The following EIF4G3 variants were observed in gnomAD, a reference collection of about 807,000 sequenced individuals.
EIF4G3 encodes the protein eukaryotic translation initiation factor 4 gamma 3.
A neutral mutation model predicts 186.4 loss-of-function variants in EIF4G3; 34 were observed. The ratio of observed to expected loss-of-function variants is 0.18; its 90% CI spans 0.14 to 0.24. The LOEUF is 0.24. Among genes scored for constraint, EIF4G3 ranks in the 10% least tolerant of loss-of-function variants. The pLI, the probability that EIF4G3 is intolerant of heterozygous loss-of-function variation, is 1.00. For missense variants in EIF4G3, 1,536 were observed against 1,948.5 expected (o/e 0.79, Z 3.99); for synonymous variants, 673 against 679.5 (o/e 0.99, Z 0.15).
chr1:21,090,398 G>C (rs971107497), intron 2 of EIF4G3, among the ~76,000 whole-genome samples: 1 of 152,136 alleles, frequency 6.6e-6, no homozygotes, highest in African/African-American at 2.4e-5. Flanking sequence ...AATTTCATCA[G>C]AGAAATCCAA....
intron 12 of EIF4G3, among the ~76,000 whole-genome samples, chr1:20,952,304 G>A (rs556919262): frequency 2.0e-5 from 3 of 151,820 alleles, no homozygotes; most frequent in East Asian, 1.9e-4. Context: ...ACAGGTGTGC[G>A]CCACCACACC....
chr1:21,028,787 A>G (rs1176716135), intron 4 of EIF4G3, among the ~76,000 whole-genome samples: 3 of 152,236 alleles, frequency 2.0e-5, no homozygotes, highest in East Asian at 1.9e-4. Flanking sequence ...ACAGTTCAGG[A>G]TATGACTGAA....
At position 20,974,371 on chromosome 1, in the gene EIF4G3, G is replaced by A. The variant is rs891552995; in HGVS notation, c.494-1272C>T. On this transcript the variant is annotated intron_variant, in intron 10 of 36. Coordinates refer to ENST00000602326, the MANE Select transcript of EIF4G3 (RefSeq NM_001391906.1). ...AGAAATTGGGAAAACTCCAGCCAAAGAGATGAAAACCAAGGCAGTGGTTGA... is the reference window on the plus strand; with the variant it reads ...AGAAATTGGGAAAACTCCAGCCAAAAAGATGAAAACCAAGGCAGTGGTTGA... Among the ~76,000 whole-genome samples the A allele has an allele frequency of 3.3e-5, 5 of 152,334 alleles. No individual in the cohort carries two copies. The East Asian group carries it at 5.8e-4, about 18-fold the overall frequency.
At chr1:21,160,851 G>C (rs1235921617) in intron 2 of EIF4G3, among the ~76,000 whole-genome samples, 1 of 152,194 alleles carries the variant, frequency 6.6e-6, no homozygotes, top group Non-Finnish European at 1.5e-5. Flanking sequence ...TACGAGGGCA[G>C]AGTAGGACGT....
At chr1:20,953,914 T>C (rs2096310707) in intron 12 of EIF4G3, among the ~76,000 whole-genome samples, 1 of 152,196 alleles carries the variant, frequency 6.6e-6, no homozygotes, top group African/African-American at 2.4e-5. Context: ...GACACACCCA[T>C]CTATCTACAT....
At position 21,176,894 on chromosome 1, in the gene EIF4G3, G is replaced by T. The variant is rs1239916675; in HGVS notation, c.-628C>A. 1 of 690,376 alleles carries T rather than the reference G, an allele frequency of 1.4e-6. No homozygotes were observed. Among genetic ancestry groups the T allele is most frequent in the East Asian group, 2.8e-5 (1 of 35,948 alleles). The allele number at this position is 690,376 out of a possible 1,614,324, so 42.8% of individuals were successfully genotyped here. A position where few individuals can be genotyped will look rare whatever the true frequency, so the allele number is the denominator to read the frequency against. On this transcript the variant is annotated 5_prime_UTR_variant, in exon 1 of 37. Coordinates refer to ENST00000602326, the MANE Select transcript of EIF4G3 (RefSeq NM_001391906.1). ...GCCGCCTCCAGCAGTCCGGCAGGAC[G>T]GCTGCTCGGAAAACTTCGGACTTTT... is the stretch of plus-strand genomic sequence containing the variant.
At position 20,981,194 on chromosome 1, in the gene EIF4G3, C is replaced by T. The variant is rs2077872796; in HGVS notation, c.232G>A (p.Ala78Thr). ...FQRPQIQPPR[A>T]TIPNSSPSIR... Reference sequence around the variant, plus strand: ...GAAGGACTGCTGTTCGGGATGGTAGCTCTAGGAGGCTGTATTTGAGGCCTC... The same window carrying T: ...GAAGGACTGCTGTTCGGGATGGTAGTTCTAGGAGGCTGTATTTGAGGCCTC... Residue 78 changes from alanine to threonine, a missense_variant, in exon 9 of 37, where the codon GCT (alanine) becomes ACT (threonine). Physicochemically the swap from Ala to Thr is moderately conservative, Grantham distance 58. This residue lies in a region of EIF4G3 where 194 missense variants were observed against 212.8 expected (regional missense o/e 0.91). Coordinates refer to ENST00000602326, the MANE Select transcript of EIF4G3 (RefSeq NM_001391906.1). The T allele has an allele frequency of 1.2e-6, 2 of 1,611,278 alleles. No homozygotes were observed. The highest frequency in any genetic ancestry group is 2.7e-5 in the African/African-American group (2 of 74,504).
intron 34 of EIF4G3, among the ~76,000 whole-genome samples, chr1:20,816,464 C>T (rs1479743272): frequency 2.7e-5 from 3 of 111,556 alleles, no homozygotes; most frequent in Non-Finnish European, 5.8e-5. Context: ...CCCCTCTGCC[C>T]GGCCAGTCGC....
At chr1:21,166,936 C>A (rs748132071) in intron 2 of EIF4G3, among the ~76,000 whole-genome samples, 1 of 151,816 alleles carries the variant, frequency 6.6e-6, no homozygotes, top group Non-Finnish European at 1.5e-5. Flanking sequence ...CACGTGCAAC[C>A]GCGCCTGGCT....
At chr1:21,130,475 T>C (rs1161873348) in intron 2 of EIF4G3, among the ~76,000 whole-genome samples, 1 of 151,932 alleles carries the variant, frequency 6.6e-6, no homozygotes, top group African/African-American at 2.4e-5. Flanking sequence ...GTGATCCACC[T>C]GCCTCAGCCT....
chr1:21,048,375 T>A (rs1044273229), intron 4 of EIF4G3, among the ~76,000 whole-genome samples: 1 of 152,142 alleles, frequency 6.6e-6, no homozygotes, highest in Non-Finnish European at 1.5e-5. Context: ...TCTATAAATA[T>A]TTTAACATTT....
chr1:20,878,337 C>T (rs1021820858), intron 20 of EIF4G3, among the ~76,000 whole-genome samples: 20 of 152,168 alleles, frequency 1.3e-4, no homozygotes, highest in Non-Finnish European at 2.9e-5. Context: ...AGTTTTGTGA[C>T]TCTCCCACCA....
chr1:21,054,869 G>C (rs909843194), intron 3 of EIF4G3, among the ~76,000 whole-genome samples: 2 of 152,108 alleles, frequency 1.3e-5, no homozygotes, highest in African/African-American at 4.8e-5. Context: ...AAGCTTACGA[G>C]TTAAAAGACA....
chr1:20,981,240 G>T lies in EIF4G3; in HGVS notation c.199-13C>A. 13 of 1,452,442 alleles carry T rather than the reference G, an allele frequency of 9.0e-6. No individual in the cohort carries two copies. Among genetic ancestry groups the T allele is most frequent in the African/African-American group, 4.5e-5 (3 of 67,190 alleles). The allele number at this position is 1,452,442 out of a possible 1,614,324, so 90.0% of individuals were successfully genotyped here. ...GCCTCTGGAAAAACTGGGAAGGGGA[G>T]AAAAAAAAAATTTTTTTTTTTTTTT... is the stretch of plus-strand genomic sequence containing the variant. On this transcript the variant is annotated splice_polypyrimidine_tract_variant and intron_variant, in intron 8 of 36. Coordinates refer to ENST00000602326, the MANE Select transcript of EIF4G3 (RefSeq NM_001391906.1).
chr1:20,913,610 G>C (rs1444872812), intron 14 of EIF4G3, among the ~76,000 whole-genome samples: 1 of 152,054 alleles, frequency 6.6e-6, no homozygotes, highest in African/African-American at 2.4e-5. Flanking sequence ...CAAAGTAAAA[G>C]TCAAATCCAG....
intron 2 of EIF4G3, among the ~76,000 whole-genome samples, chr1:21,168,819 T>C (rs2097905060): frequency 6.6e-6 from 1 of 151,940 alleles, no homozygotes. Flanking sequence ...CAAAAATGTA[T>C]GACCACTAAT....
chr1:20,847,471 C>T (rs2071534115), intron 29 of EIF4G3, among the ~76,000 whole-genome samples: 1 of 152,116 alleles, frequency 6.6e-6, no homozygotes, highest in Non-Finnish European at 1.5e-5. Context: ...CTCCCTATAC[C>T]TCCAGTTCAT....
chr1:21,017,652 A>AAAAG (rs1557534345), intron 4 of EIF4G3, among the ~76,000 whole-genome samples: 2 of 129,370 alleles, frequency 1.5e-5, no homozygotes, highest in Admixed American at 7.9e-5. Context: ...AAAAAAAAAA[A>AAAAG]AAGAAGTTTA....
At chr1:21,146,665 G>C (rs1369455153) in intron 2 of EIF4G3, among the ~76,000 whole-genome samples, 1 of 152,036 alleles carries the variant, frequency 6.6e-6, no homozygotes, top group Non-Finnish European at 1.5e-5. Context: ...GCTGAGGAAG[G>C]AGAACCACTT....
Sources: gnomAD v4.1 joint callset for allele counts (sites outside exome capture counted in the v4.1 genomes callset) on GRCh38, gnomAD v4.1.1 for gene constraint, gnomAD v4.1.1 regional missense constraint, MANE v1.5 for transcripts, NCBI Gene and HGNC (gene_info 2026-07-23, HGNC 2026-07-21) for gene names.